Variants in SH3D19 observed in about 807,000 individuals in gnomAD.
SH3D19 encodes the protein SH3 domain-containing protein 19.
A neutral mutation model predicts 112.1 loss-of-function variants in SH3D19; 58 were observed. The ratio of observed to expected loss-of-function variants is 0.52; its 90% CI spans 0.42 to 0.64. SH3D19 has a LOEUF of 0.64. Among genes scored for constraint, SH3D19 ranks in the 30% least tolerant of loss-of-function variants. SH3D19 has a pLI of 0.00. For missense variants in SH3D19, 1,090 were observed against 1,263.4 expected (o/e 0.86, Z 2.08); for synonymous variants, 391 against 448.5 (o/e 0.87, Z 1.62).
chr4:151,278,779 C>T (rs1773895104), intron 1 of SH3D19, among the ~76,000 whole-genome samples: 1 of 152,166 alleles, frequency 6.6e-6, no homozygotes, highest in Non-Finnish European at 1.5e-5. Context: ...TACAGGCATG[C>T]ACCATCATGT....
intron 8 of SH3D19, among the ~76,000 whole-genome samples, chr4:151,164,352 T>C (rs1303607323): frequency 6.6e-6 from 1 of 151,662 alleles, no homozygotes; most frequent in Non-Finnish European, 1.5e-5. Flanking sequence ...TGGAACCCAC[T>C]GTGTGTGTGT....
chr4:151,217,711 A>G (rs1192101016), intron 2 of SH3D19, among the ~76,000 whole-genome samples: 1 of 152,238 alleles, frequency 6.6e-6, no homozygotes, highest in East Asian at 1.9e-4. Context: ...TCTATACACA[A>G]AGATATGAAC....
At chr4:151,199,719 G>GC in intron 2 of SH3D19, among the ~76,000 whole-genome samples, 1 of 152,176 alleles carries the variant, frequency 6.6e-6, no homozygotes. Context: ...TGCAGACCGT[G>GC]CCAAAGCAAA....
chr4:151,169,260 G>A (rs979773392), intron 7 of SH3D19, among the ~76,000 whole-genome samples: 2 of 152,042 alleles, frequency 1.3e-5, no homozygotes, highest in Non-Finnish European at 2.9e-5. Context: ...CACTCAGATA[G>A]TGTATAATTA....
chr4:151,158,100 C>A (rs1756463488), intron 9 of SH3D19, among the ~76,000 whole-genome samples: 1 of 152,014 alleles, frequency 6.6e-6, no homozygotes, highest in Non-Finnish European at 1.5e-5. Flanking sequence ...ATATTCCAAA[C>A]AGAATTGGTG....
At chr4:151,300,356 TAC>T (rs1728266555) in intron 1 of SH3D19, among the ~76,000 whole-genome samples, 1 of 152,068 alleles carries the variant, frequency 6.6e-6, no homozygotes, top group Non-Finnish European at 1.5e-5. Context: ...TTTGAGTCTC[TAC>T]AAATGAAAAA....
At position 151,132,370 on chromosome 4, in the gene SH3D19, T is replaced by C; in HGVS notation, c.2703A>G (p.Pro901=). ...CAGAATCTTCTTTTTTGGTTTTCAG[T>C]GGTACCTTTGTGCCTACATTAAAAA... is the stretch of plus-strand genomic sequence containing the variant. The part of the protein sequence containing the change: ...SGANVLSTKV[P]LKTKKEDSGS... Residue 901 remains proline, a synonymous_variant, in exon 17 of 20, where the codon CCA becomes CCG. Coordinates refer to ENST00000604030, the MANE Select transcript of SH3D19 (RefSeq NM_001378122.1). 43 of 1,613,868 alleles carry C rather than the reference T, an allele frequency of 2.7e-5. No individual in the cohort carries two copies. Among genetic ancestry groups the C allele is most frequent in the Non-Finnish European group, 3.6e-5 (43 of 1,179,880 alleles).
chr4:151,125,591 C>T (rs753944246), intron 19 of SH3D19, among the ~76,000 whole-genome samples: 11 of 151,162 alleles, frequency 7.3e-5, no homozygotes, highest in Non-Finnish European at 1.3e-4. Flanking sequence ...TGGTGGCTCA[C>T]ACCTGTAACC....
chr4:151,136,237 T>TCCCAA (rs762525101), intron 14 of SH3D19, among the ~76,000 whole-genome samples: 4 of 151,982 alleles, frequency 2.6e-5, no homozygotes, highest in African/African-American at 4.8e-5. Flanking sequence ...AGCCTTGCCC[T>TCCCAA]CCCATGCTCA....
intron 1 of SH3D19, among the ~76,000 whole-genome samples, chr4:151,270,625 G>GGTTT (rs35972353): frequency 0.4 from 61,100 of 151,706 alleles, 12,809 homozygotes; most frequent in Non-Finnish European, 0.47. Flanking sequence ...GCAGTCAGTA[G>GGTTT]GTTTATAACA....
intron 7 of SH3D19, among the ~76,000 whole-genome samples, chr4:151,168,022 A>C (rs1034850597): frequency 9.2e-5 from 14 of 152,244 alleles, no homozygotes; most frequent in African/African-American, 2.4e-4. Context: ...TTTTAGTTAA[A>C]AAAACAAAAC....
Position 151,133,216 on chromosome 4 carries a change from C to G in SH3D19, c.2507G>C (p.Arg836Pro), listed in dbSNP as rs577991165. 1.4e-5 allele frequency: 22 copies of G among 1,614,062 alleles called. No individual in the cohort carries two copies. The East Asian group carries it at 4.5e-4, about 33-fold the overall frequency. Reference protein sequence around the residue: ...HCVKGSRCVARFEYIGEQKDE... With the variant: ...HCVKGSRCVAPFEYIGEQKDE... ...CTTCTGCTCTCCAATATATTCAAAC[C>G]GAGCAACACATCTTGAGCCTCTGAA... The change falls in exon 16 of 20, where the codon CGG becomes CCG. Residue 836 changes from arginine (R) to proline (P), a missense_variant. Arg to Pro is a moderately radical substitution (Grantham distance 103, BLOSUM62 -2). Coordinates refer to ENST00000604030, the MANE Select transcript of SH3D19 (RefSeq NM_001378122.1).
intron 2 of SH3D19, among the ~76,000 whole-genome samples, chr4:151,222,706 T>A (rs1037400054): frequency 4.9e-5 from 6 of 122,162 alleles, no homozygotes; most frequent in Non-Finnish European, 8.1e-5. Context: ...GGAGTCTCAC[T>A]CTGTTGCCCA....
intron 1 of SH3D19, chr4:151,282,222 A>G: frequency 6.2e-7 from 1 of 1,613,912 alleles, no homozygotes; most frequent in Non-Finnish European, 8.5e-7. Context: ...CGTGTGAAGT[A>G]CTACGTGTCC....
chr4:151,174,691 C>T lies in SH3D19; in HGVS notation c.1513G>A (p.Val505Ile), dbSNP rs757570132. ...TCACCTAGAACCATCTCTGAACCAA[C>T]AGATTCTTCAGCCAGGTTCCCCGAT... ...TPSGNLAEESVGSEMVLDPFQ... is the reference protein window; with the variant it reads ...TPSGNLAEESIGSEMVLDPFQ... The change falls in exon 7 of 20, where the codon GTT becomes ATT. Residue 505 changes from valine to isoleucine, a missense_variant. Coordinates refer to ENST00000604030, the MANE Select transcript of SH3D19 (RefSeq NM_001378122.1). 3 of 1,514,036 alleles carry T rather than the reference C, an allele frequency of 2.0e-6. No individual in the cohort carries two copies. The highest frequency in any genetic ancestry group is 1.8e-4 in the Middle Eastern group (1 of 5,592). The allele number at this position is 1,514,036 out of a possible 1,614,324, so 93.8% of individuals were successfully genotyped here. A position where few individuals can be genotyped will look rare whatever the true frequency, so the allele number is the denominator to read the frequency against.
At chr4:151,191,155 A>C (rs1368814354) in intron 2 of SH3D19, among the ~76,000 whole-genome samples, 1 of 152,162 alleles carries the variant, frequency 6.6e-6, no homozygotes, top group African/African-American at 2.4e-5. Flanking sequence ...TCCCATTTGG[A>C]ATGGCTGTAT....
intron 1 of SH3D19, among the ~76,000 whole-genome samples, chr4:151,309,913 C>T (rs539420525): frequency 1.3e-5 from 2 of 152,194 alleles, no homozygotes; most frequent in African/African-American, 4.8e-5. Context: ...TTTCTTGAGC[C>T]CGGGAGGTCA....
intron 1 of SH3D19, among the ~76,000 whole-genome samples, chr4:151,251,934 A>G (rs1401443742): frequency 6.6e-6 from 1 of 152,134 alleles, no homozygotes; most frequent in Non-Finnish European, 1.5e-5. Context: ...CTCTTTCTCA[A>G]TGGATAATTT....
chr4:151,184,520 G>C (rs999762498), intron 3 of SH3D19, among the ~76,000 whole-genome samples: 1 of 152,114 alleles, frequency 6.6e-6, no homozygotes, highest in African/African-American at 2.4e-5. Flanking sequence ...AAAGACAACT[G>C]AGTTAAAAAC....
Sources: gnomAD v4.1 joint callset for allele counts (sites outside exome capture counted in the v4.1 genomes callset) on GRCh38, gnomAD v4.1.1 for gene constraint, MANE v1.5 for transcripts, NCBI Gene and HGNC (gene_info 2026-07-23, HGNC 2026-07-21) for gene names.